JAKMIP3: variants seen among roughly 807,000 people sequenced by gnomAD.
JAKMIP3 encodes Janus kinase and microtubule interacting protein 3, also known as janus kinase and microtubule-interacting protein 3.
Under a neutral mutation model 118.5 loss-of-function variants are expected in JAKMIP3, and 58 were observed. The observed-to-expected ratio is 0.49, with a 90% CI of 0.40 to 0.61. The LOEUF (loss-of-function observed/expected upper bound fraction) is 0.61. Ranked by LOEUF, JAKMIP3 falls within the 20% of genes least tolerant of loss-of-function variation. JAKMIP3 has a pLI of 0.00. For missense variants in JAKMIP3, 950 were observed against 1,109.0 expected (o/e 0.86, Z 2.04); for synonymous variants, 486 against 451.2 (o/e 1.08, Z -0.98).
At position 132,180,667 on chromosome 10, in the gene JAKMIP3, G is replaced by C. The variant is rs1414436580; in HGVS notation, c.*1104-1690G>C. On this transcript the variant is annotated intron_variant, in intron 23 of 23. Transcript: ENST00000684848. ...TGTGCGTGTGCGTGTGCGTGTGTGCGTGTGTGTGCGCGCGCGTGTGTGTGC... is the reference window on the plus strand; with the variant it reads ...TGTGCGTGTGCGTGTGCGTGTGTGCCTGTGTGTGCGCGCGCGTGTGTGTGC... Among the ~76,000 whole-genome samples, 2 of 35,562 alleles carry C rather than the reference G, an allele frequency of 5.6e-5. 1 individual carries two copies. The highest frequency in any genetic ancestry group is 1.0e-4 in the Non-Finnish European group (2 of 19,110). The allele number at this position is 35,562 out of a possible 152,430, so 23.3% of individuals were successfully genotyped here.
intron 9 of JAKMIP3, among the ~76,000 whole-genome samples, chr10:132,138,406 G>A (rs115264851): frequency 3.3e-5 from 5 of 151,220 alleles, no homozygotes; most frequent in South Asian, 4.2e-4. Context: ...GGGTGTGTGC[G>A]GAGAGGGGTG....
chr10:132,050,635 T>TG (rs200161309), intron 1 of JAKMIP3, among the ~76,000 whole-genome samples: 24,412 of 152,006 alleles, frequency 0.16, 2,004 homozygotes, highest in Middle Eastern at 0.21. Flanking sequence ...GAAGGAGATT[T>TG]GGGGGGGGTT....
intron 1 of JAKMIP3, among the ~76,000 whole-genome samples, chr10:132,072,286 T>C (rs2040086291): frequency 6.6e-6 from 1 of 152,132 alleles, no homozygotes; most frequent in Non-Finnish European, 1.5e-5. Context: ...GGCTCATGCC[T>C]GTAATCTCAG....
intron 20 of JAKMIP3, among the ~76,000 whole-genome samples, chr10:132,164,215 C>A (rs1044474810): frequency 3.3e-5 from 5 of 152,210 alleles, no homozygotes; most frequent in African/African-American, 1.2e-4. Context: ...GGACAGTGAC[C>A]TGCAACCCCT....
At chr10:132,180,765 G>GCA (rs2061266292) in intron 23 of JAKMIP3, among the ~76,000 whole-genome samples, 1 of 33,870 alleles carries the variant, frequency 3.0e-5, no homozygotes, top group African/African-American at 1.2e-4. Context: ...GTGTGCGTGT[G>GCA]TGTGCGTGTG....
chr10:132,140,678 G>C (rs944601274), intron 10 of JAKMIP3, 99 bp downstream of exon 10: 8 of 1,465,686 alleles, frequency 5.5e-6, no homozygotes, highest in Non-Finnish European at 4.6e-6. Flanking sequence ...TCTCCTGCCG[G>C]GTCCTGGGCT....
In JAKMIP3 at chr10:132,148,504, G is replaced by A. The variant is rs374772453; in HGVS notation, c.1848+454G>A. ...CCATCCACCCCCAAGGAGCCGGCAC[G>A]TCCGTCCTCCATCCGCCCGTCCTCC... is the stretch of plus-strand genomic sequence containing the variant. On this transcript the variant is annotated intron_variant, in intron 14 of 23. Transcript: ENST00000684848. 9.3e-4 allele frequency among the ~76,000 whole-genome samples: 90 copies of A among 96,302 alleles called. 2 individuals are homozygous for A. The highest frequency in any genetic ancestry group is 2.7e-3 in the African/African-American group (85 of 31,114). 63.2% of individuals were successfully genotyped at this position (96,302 alleles called of 152,430 possible).
At chr10:132,132,830 GCCAGAATTTCTGTTCCCCA>G (rs1288681952) in intron 3 of JAKMIP3, among the ~76,000 whole-genome samples, 1 of 152,098 alleles carries the variant, frequency 6.6e-6, no homozygotes, top group Non-Finnish European at 1.5e-5. Flanking sequence ...TGGCTTTCAG[GCCAGAATTTCTGTTCCCCA>G]TGGTCTCCCC....
chr10:132,088,227 A>G (rs996988004), intron 1 of JAKMIP3, among the ~76,000 whole-genome samples: 9 of 152,152 alleles, frequency 5.9e-5, no homozygotes, highest in African/African-American at 1.9e-4. Flanking sequence ...ATACCCAGTA[A>G]TGGGATGGCT....
rs1268331853 is a variant in JAKMIP3, at chr10:132,159,391, G to C, written c.2221-3818G>C. 3.1e-5 allele frequency among the ~76,000 whole-genome samples: 3 copies of C among 95,376 alleles called. No individual in the cohort carries two copies. The Admixed American group carries it at 4.0e-4, about 13-fold the overall frequency. The allele number at this position is 95,376 out of a possible 152,430, so 62.6% of individuals were successfully genotyped here. ...TGCTGGTTGGGGGGGGTCTATTCCT[G>C]TGTCTTACTGAGGGGGCCTATTCCT... On this transcript the variant is annotated intron_variant, in intron 19 of 23. Transcript: ENST00000684848.
chr10:132,165,310 G>A (rs1160438790), intron 21 of JAKMIP3, among the ~76,000 whole-genome samples: 1 of 152,140 alleles, frequency 6.6e-6, no homozygotes, highest in Non-Finnish European at 1.5e-5. Context: ...CAGGATGAGG[G>A]GAGCACAGCA....
rs115539850 is a variant in JAKMIP3 at position 132,153,386 on chromosome 10, C to T, written c.2073+363C>T. Among the ~76,000 whole-genome samples, 1,484 of 152,306 alleles carry T rather than the reference C, an allele frequency of 9.7e-3. 27 individuals carry two copies. Among genetic ancestry groups the T allele is most frequent in the African/African-American group, 0.033 (1,379 of 41,558 alleles). On this transcript the variant is annotated intron_variant, in intron 17 of 23. Coordinates refer to ENST00000684848, the MANE Select transcript of JAKMIP3 (RefSeq NM_001323087.2). ...AGTCCCACCCCTAGCCCTGACCTGC[C>T]TGGTGAGCTGGGCCTCCCACAGCAA...
chr10:132,176,079 A>AGG (rs1451325409), intron 23 of JAKMIP3, among the ~76,000 whole-genome samples: 4 of 152,186 alleles, frequency 2.6e-5, no homozygotes, highest in African/African-American at 9.7e-5. Flanking sequence ...GATCCCGATC[A>AGG]GGGGGCGGAG....
intron 19 of JAKMIP3, among the ~76,000 whole-genome samples, chr10:132,158,940 GGGGGGGGGGACCTCTCGCTGTGTGATGC>G (rs2057413292): frequency 1.2e-5 from 1 of 85,442 alleles, no homozygotes; most frequent in Non-Finnish European, 2.1e-5. Flanking sequence ...TTGTGATGCT[GGGGGGGGGGACCTCTCGCTGTGTGATGC>G]TGGGGGGGAT....
intron 2 of JAKMIP3, among the ~76,000 whole-genome samples, chr10:132,107,497 C>G (rs566911285): frequency 6.6e-6 from 1 of 152,202 alleles, no homozygotes; most frequent in Non-Finnish European, 1.5e-5. Flanking sequence ...CTTGGCACAA[C>G]GTGCAGAAGG....
intron 1 of JAKMIP3, among the ~76,000 whole-genome samples, chr10:132,066,849 G>A (rs1432838025): frequency 1.3e-5 from 2 of 152,142 alleles, no homozygotes; most frequent in Admixed American, 6.5e-5. Context: ...TTGGCAGTAC[G>A]TTGTTGTACT....
chr10:132,153,058 C>T (rs750693447), intron 17 of JAKMIP3, 35 bp downstream of exon 17: 60 of 1,547,134 alleles, frequency 3.9e-5, no homozygotes, highest in Admixed American at 3.4e-4. Context: ...GGGAGAGGGC[C>T]GGGCTCCTGG....
At chr10:132,048,202 G>T (rs1305936907) in intron 1 of JAKMIP3, among the ~76,000 whole-genome samples, 1 of 152,232 alleles carries the variant, frequency 6.6e-6, no homozygotes, top group African/African-American at 2.4e-5. Flanking sequence ...TTCTCCTCGG[G>T]GAAGGGGCTT....
chr10:132,064,866 C>T (rs1427098527), upstream of JAKMIP3, among the ~76,000 whole-genome samples: 2 of 152,174 alleles, frequency 1.3e-5, no homozygotes, highest in Admixed American at 6.5e-5. This position sits in a 1 kb window ranked among gnomAD's most constrained non-coding sequence, Gnocchi z 4.4. Context: ...GGGCTCCTCT[C>T]GGGGTGATGC....
Sources: allele counts gnomAD v4.1 joint callset (sites outside exome capture counted in the v4.1 genomes callset), GRCh38; gene constraint gnomAD v4.1.1; non-coding constraint Gnocchi (gnomAD v3.1); transcripts MANE v1.5; gene names NCBI Gene and HGNC (gene_info 2026-07-23, HGNC 2026-07-21).